The following KIAA1671 variants were observed in gnomAD, a reference collection of about 807,000 sequenced individuals.
KIAA1671 encodes KIAA1671.
In KIAA1671, 52 loss-of-function variants were observed where a neutral mutation model predicts 131.2. The ratio of observed to expected loss-of-function variants is 0.40; its 90% CI spans 0.32 to 0.50. The LOEUF is 0.50. Among genes scored for constraint, KIAA1671 ranks in the 20% least tolerant of loss-of-function variants. The pLI is 0.73. For missense variants in KIAA1671, 2,360 were observed against 2,364.2 expected, an observed-to-expected ratio of 1.00 and a Z score of 0.04; for synonymous variants, 1,003 against 961.6, an observed-to-expected ratio of 1.04 and a Z score of -0.80.
chr22:25,128,254 G>T (rs117399827), intron 6 of KIAA1671, among the ~76,000 whole-genome samples: 1 of 152,150 alleles, frequency 6.6e-6, no homozygotes, highest in African/African-American at 2.4e-5. Context: ...CGTGGACACC[G>T]CCCTTTAAGG....
chr22:24,995,582 A>G (rs1165392858), intron 1 of KIAA1671, among the ~76,000 whole-genome samples: 1 of 151,262 alleles, frequency 6.6e-6, no homozygotes, highest in Non-Finnish European at 1.5e-5. Flanking sequence ...ATGGTCTCCA[A>G]CTCCTGAGCT....
chr22:25,193,621 A>G lies in KIAA1671; in HGVS notation c.*1220A>G, dbSNP rs1370407561. 3 of 152,190 alleles carry G rather than the reference A, an allele frequency of 2.0e-5. No individual in the cohort carries two copies. The highest frequency in any genetic ancestry group is 2.9e-5 in the Non-Finnish European group (2 of 68,076). 9.4% of individuals were successfully genotyped at this position (152,190 alleles called of 1,614,324 possible). A position where few individuals can be genotyped will look rare whatever the true frequency, so the allele number is the denominator to read the frequency against. Reference sequence around the variant, plus strand: ...TCTCTCTGTCTCAGCTTCCTCCCTCATCTTCCTTTACCCCTCTTCTCTGTC... The same window carrying G: ...TCTCTCTGTCTCAGCTTCCTCCCTCGTCTTCCTTTACCCCTCTTCTCTGTC... On this transcript the variant is annotated 3_prime_UTR_variant, in exon 13 of 13. Coordinates refer to ENST00000358431, the MANE Select transcript of KIAA1671 (RefSeq NM_001145206.2).
chr22:25,038,958 G>C lies in KIAA1671; in HGVS notation c.1828G>C (p.Val610Leu), dbSNP rs1255662244. 7 of 1,551,656 alleles carry C rather than the reference G, an allele frequency of 4.5e-6. No individual in the cohort carries two copies. Among genetic ancestry groups the C allele is most frequent in the East Asian group, 2.4e-5 (1 of 40,924 alleles). ...AGAGGATGACCGGAGCTTCCAGACT[G>C]TGTGGGCCACAGTATTTGAGCACCA... ...TPEDDRSFQT[V>L]WATVFEHHVE... Residue 610 changes from valine (V) to leucine (L), a missense_variant, in exon 5 of 13, where the codon GTG becomes CTG. By Grantham distance (32) the Val-to-Leu change is conservative. Around this residue, in one of 3 missense-constraint regions of KIAA1671, gnomAD observed 1,185 missense variants for 1,126.2 expected, o/e 1.05. Coordinates refer to ENST00000358431, the MANE Select transcript of KIAA1671 (RefSeq NM_001145206.2).
chr22:25,095,983 A>G lies in KIAA1671; in HGVS notation c.4530+46619A>G, dbSNP rs576764604. On this transcript the variant is annotated intron_variant, in intron 6 of 12. Transcript: ENST00000358431. ...GCAATAGCACTGTCCCTGGGATCAG[A>G]CGGAGAGGGAGGATTTGGAGCTGCA... is the stretch of plus-strand genomic sequence containing the variant. Among the ~76,000 whole-genome samples the G allele has an allele frequency of 3.3e-5, 5 of 152,302 alleles. No homozygotes were observed. In the East Asian group the frequency reaches 9.7e-4, roughly 29 times the overall value.
At chr22:24,990,537 C>T (rs16979395) in intron 1 of KIAA1671, among the ~76,000 whole-genome samples, 1,656 of 152,348 alleles carry the variant, frequency 0.011, 37 homozygotes, top group African/African-American at 0.038. Flanking sequence ...TGTGCCTGCC[C>T]AATGTGCGCC....
chr22:25,076,065 T>C (rs986592101), intron 6 of KIAA1671, among the ~76,000 whole-genome samples: 2 of 152,162 alleles, frequency 1.3e-5, no homozygotes, highest in Non-Finnish European at 2.9e-5. Flanking sequence ...CGTGAGCCAC[T>C]GCACCCAGCC....
intron 6 of KIAA1671, among the ~76,000 whole-genome samples, chr22:25,153,836 C>G (rs969019826): frequency 6.6e-6 from 1 of 152,226 alleles, no homozygotes; most frequent in African/African-American, 2.4e-5. Context: ...AGTCCCTGCC[C>G]AAGGCTGCAC....
chr22:25,076,425 C>A (rs1371610746), intron 6 of KIAA1671, among the ~76,000 whole-genome samples: 1 of 152,164 alleles, frequency 6.6e-6, no homozygotes, highest in African/African-American at 2.4e-5. Flanking sequence ...GCAAAGTTGT[C>A]ACTTGGTGGT....
intron 4 of KIAA1671, among the ~76,000 whole-genome samples, 162 bp downstream of exon 4, chr22:25,032,858 T>C (rs1203023651): frequency 2.6e-5 from 4 of 152,214 alleles, no homozygotes; most frequent in Non-Finnish European, 5.9e-5. Context: ...GAAGTCCCTT[T>C]TGGCATGAAG....
intron 6 of KIAA1671, among the ~76,000 whole-genome samples, chr22:25,166,357 C>T (rs1383353879): frequency 6.6e-6 from 1 of 152,124 alleles, no homozygotes; most frequent in Non-Finnish European, 1.5e-5. Context: ...GGGGAGGGCA[C>T]ACAGATGGTT....
chr22:24,956,823 G>C (rs1057256547), intron 1 of KIAA1671, among the ~76,000 whole-genome samples: 1 of 146,712 alleles, frequency 6.8e-6, no homozygotes, highest in Admixed American at 6.9e-5. Flanking sequence ...AGTGAGCCGA[G>C]ATAGTGCCAC....
intron 6 of KIAA1671, among the ~76,000 whole-genome samples, chr22:25,169,059 C>T (rs78527): frequency 0.26 from 38,893 of 151,916 alleles, 5,703 homozygotes; most frequent in East Asian, 0.48. Flanking sequence ...AGATGAGCCC[C>T]GTTTGTCTTT....
chr22:25,047,069 C>T (rs10854784), intron 5 of KIAA1671, among the ~76,000 whole-genome samples: 36,349 of 150,404 alleles, frequency 0.24, 6,490 homozygotes, highest in African/African-American at 0.51. Flanking sequence ...CTCCTGGGCT[C>T]GAGCAGTCCT....
At position 25,155,471 on chromosome 22, in the gene KIAA1671, G is replaced by A. The variant is rs118122119; in HGVS notation, c.4531-15349G>A. On this transcript the variant is annotated intron_variant, in intron 6 of 12. Transcript: ENST00000358431. ...GGTATGCATTTGTGTATATTTGTGT[G>A]TATGCAGCTGTGTGTGTGTGTGTAT... is the stretch of plus-strand genomic sequence containing the variant. Among the ~76,000 whole-genome samples the A allele has an allele frequency of 4.5e-3, 678 of 152,108 alleles. 1 individual carries two copies. The highest frequency in any genetic ancestry group is 7.1e-3 in the Non-Finnish European group (480 of 67,984).
chr22:25,132,216 C>G (rs1053552207), intron 6 of KIAA1671, among the ~76,000 whole-genome samples: 1 of 152,130 alleles, frequency 6.6e-6, no homozygotes. Flanking sequence ...TCTCACTCAC[C>G]CTTCCAGTTT....
At chr22:25,086,637 G>A (rs1032119454) in intron 6 of KIAA1671, among the ~76,000 whole-genome samples, 3 of 152,146 alleles carry the variant, frequency 2.0e-5, no homozygotes, top group Admixed American at 6.5e-5. Context: ...ATCTCCATCT[G>A]CCCCGTCCCA....
At chr22:25,032,973 G>C (rs1044462738) in intron 4 of KIAA1671, among the ~76,000 whole-genome samples, 1 of 152,122 alleles carries the variant, frequency 6.6e-6, no homozygotes, top group Non-Finnish European at 1.5e-5. Flanking sequence ...TTATATAGGA[G>C]TGCCTGCTTT....
chr22:25,067,699 C>T (rs1928553962), intron 6 of KIAA1671, among the ~76,000 whole-genome samples: 1 of 152,184 alleles, frequency 6.6e-6, no homozygotes, highest in East Asian at 1.9e-4. Flanking sequence ...CTTCCAGCCC[C>T]TTTCTCTCCG....
At position 24,976,369 on chromosome 22, in the gene KIAA1671, A is replaced by G. The variant is rs1004735768; in HGVS notation, c.-208+23597A>G. Among the ~76,000 whole-genome samples the G allele has an allele frequency of 2.0e-5, 3 of 152,234 alleles. No homozygotes were observed. The East Asian group carries it at 5.8e-4, about 29-fold the overall frequency. Reference sequence around the variant, plus strand: ...TTTGCTCAAGGTCATTCAGCCAGCCAGGAGCTGAGCAGGGACACAAATGCT... The same window carrying G: ...TTTGCTCAAGGTCATTCAGCCAGCCGGGAGCTGAGCAGGGACACAAATGCT... On this transcript the variant is annotated intron_variant, in intron 1 of 12. Transcript: ENST00000358431.
Sources: allele counts gnomAD v4.1 joint callset (sites outside exome capture counted in the v4.1 genomes callset), GRCh38; gene constraint gnomAD v4.1.1; regional missense constraint gnomAD v4.1.1; transcripts MANE v1.5; gene names NCBI Gene and HGNC (gene_info 2026-07-23, HGNC 2026-07-21).